The following SGMS1 variants were observed in gnomAD, a reference collection of about 807,000 sequenced individuals.
SGMS1 encodes the protein sphingomyelin synthase 1, also known as phosphatidylcholine:ceramide cholinephosphotransferase 1.
Under a neutral mutation model 46.2 loss-of-function variants are expected in SGMS1, and 13 were observed. The observed-to-expected ratio is 0.28, with a 90% confidence interval of 0.18 to 0.45. SGMS1 has a LOEUF of 0.45. Ranked by LOEUF, SGMS1 falls within the 20% of genes least tolerant of loss-of-function variation. The pLI is 1.00. For missense variants in SGMS1, 324 were observed against 519.9 expected, an observed-to-expected ratio of 0.62 and a Z score of 3.66; for synonymous variants, 203 against 187.8, an observed-to-expected ratio of 1.08 and a Z score of -0.66.
intron 3 of SGMS1, among the ~76,000 whole-genome samples, chr10:50,491,512 T>C (rs181304863): frequency 2.0e-5 from 3 of 152,304 alleles, no homozygotes; most frequent in East Asian, 3.9e-4. Flanking sequence ...TGAGTTTTAA[T>C]AGGACACTGA....
intron 6 of SGMS1, among the ~76,000 whole-genome samples, chr10:50,398,308 G>T (rs1299375685): frequency 6.6e-6 from 1 of 152,038 alleles, no homozygotes; most frequent in Non-Finnish European, 1.5e-5. Context: ...ACTATCAGAT[G>T]ACTTCAAAAT....
At chr10:50,619,539 G>A (rs1838828415) in intron 1 of SGMS1, among the ~76,000 whole-genome samples, 1 of 152,208 alleles carries the variant, frequency 6.6e-6, no homozygotes, top group Non-Finnish European at 1.5e-5. Context: ...AGAGGGGCCT[G>A]GGGGGTGCTG....
chr10:50,385,383 C>T (rs1452338361), intron 6 of SGMS1, among the ~76,000 whole-genome samples: 3 of 152,184 alleles, frequency 2.0e-5, no homozygotes, highest in African/African-American at 4.8e-5. Flanking sequence ...TTCCAGTTCT[C>T]ACTCTCCCAG....
At chr10:50,518,979 G>C (rs140164153) in intron 3 of SGMS1, among the ~76,000 whole-genome samples, 1 of 152,260 alleles carries the variant, frequency 6.6e-6, no homozygotes, top group East Asian at 1.9e-4. Flanking sequence ...TTGGAGGGAA[G>C]GGAGACAACA....
At chr10:50,410,247 GACACTCTTGTGTTGC>G (rs1424270035) in intron 6 of SGMS1, among the ~76,000 whole-genome samples, 2 of 152,138 alleles carry the variant, frequency 1.3e-5, no homozygotes, top group African/African-American at 2.4e-5. Context: ...TGATGGTCAT[GACACTCTTGTGTTGC>G]AAGTCAGATA....
intron 6 of SGMS1, among the ~76,000 whole-genome samples, chr10:50,429,733 ACACACACATACT>A (rs891159773): frequency 1.8e-3 from 21 of 11,568 alleles, no homozygotes; most frequent in African/African-American, 5.5e-3. Context: ...ACACACACAC[ACACACACATACT>A]CTTTTCTCAT....
chr10:50,547,691 ATG>A (rs1838113253), intron 2 of SGMS1, among the ~76,000 whole-genome samples: 1 of 152,208 alleles, frequency 6.6e-6, no homozygotes, highest in African/African-American at 2.4e-5. Flanking sequence ...AACTCATTCT[ATG>A]AGGTCAACAT....
rs1371039191 is a variant in SGMS1, at chr10:50,442,356, AG to A, written c.-312-8801del. Among the ~76,000 whole-genome samples the A allele has an allele frequency of 2.0e-5, 3 of 151,438 alleles. 1 individual carries two copies. Among genetic ancestry groups the A allele is most frequent in the Non-Finnish European group, 4.4e-5 (3 of 67,876 alleles). On this transcript the variant is annotated intron_variant, in intron 5 of 10. Coordinates refer to ENST00000361781, the MANE Select transcript of SGMS1 (RefSeq NM_147156.4). ...CCCTCCCCCACCGCCCCCCTCTGAC[AG>A]GTCCCAGTGTGTGTTGTTCACCTCT...
Position 50,481,386 on chromosome 10 carries a change from G to T in SGMS1, c.-497-14454C>A, listed in dbSNP as rs985133267. On this transcript the variant is annotated intron_variant, in intron 3 of 10. Transcript: ENST00000361781. ...TTCCACTAGTAACACATCCAGGTGT[G>T]GGAGGGACTGAGGCAAATATTCTGG... is the stretch of plus-strand genomic sequence containing the variant. Among the ~76,000 whole-genome samples the T allele has an allele frequency of 2.0e-5, 3 of 152,168 alleles. No individual in the cohort carries two copies. The East Asian group carries it at 5.8e-4, about 29-fold the overall frequency.
At chr10:50,546,315 C>T (rs967326898) in intron 2 of SGMS1, among the ~76,000 whole-genome samples, 1 of 152,126 alleles carries the variant, frequency 6.6e-6, no homozygotes, top group Non-Finnish European at 1.5e-5. Flanking sequence ...TAACAAAAGA[C>T]CCTGCTTAGG....
In SGMS1 at chr10:50,343,606, G is replaced by C. The variant is rs1348297878; in HGVS notation, c.509C>G (p.Pro170Arg). The C allele has an allele frequency of 2.5e-6, 4 of 1,613,972 alleles. No individual in the cohort carries two copies. The highest frequency in any genetic ancestry group is 3.4e-6 in the Non-Finnish European group (4 of 1,180,030). Residue 170 changes from proline (P) to arginine (R), a missense_variant, in exon 7 of 11, where the codon CCG becomes CGG. By Grantham distance (103) the Pro-to-Arg change is moderately radical. This residue lies in a region of SGMS1 where 174 missense variants were observed against 350.1 expected (regional missense o/e 0.50). Transcript: ENST00000361781. ...GTTAAAATGGTCAAAAAATGTGTCC[G>C]GTAGTGGAGGCTGCACCTCCTTAGG... is the stretch of plus-strand genomic sequence containing the variant. Reference protein sequence around the residue: ...VPPKEVQPPLPDTFFDHFNRV... With the variant: ...VPPKEVQPPLRDTFFDHFNRV...
intron 2 of SGMS1, among the ~76,000 whole-genome samples, chr10:50,574,988 AC>A (rs1838370967): frequency 2.6e-5 from 1 of 39,212 alleles, no homozygotes; most frequent in African/African-American, 5.9e-5. Flanking sequence ...TATATATAAA[AC>A]AAAGTATTAC....
At chr10:50,616,205 T>A (rs1838795539) in intron 1 of SGMS1, among the ~76,000 whole-genome samples, 1 of 152,128 alleles carries the variant, frequency 6.6e-6, no homozygotes, top group Admixed American at 6.5e-5. Context: ...AGGCTCAACC[T>A]CCAGGCTCGA....
chr10:50,609,884 C>T (rs1184173314), intron 1 of SGMS1, among the ~76,000 whole-genome samples: 3 of 152,132 alleles, frequency 2.0e-5, no homozygotes, highest in Non-Finnish European at 4.4e-5. Flanking sequence ...CTACTATGGA[C>T]TTCTCAAGCA....
intron 1 of SGMS1, among the ~76,000 whole-genome samples, chr10:50,621,925 T>C (rs1409034488): frequency 6.6e-6 from 1 of 152,170 alleles, no homozygotes; most frequent in African/African-American, 2.4e-5. Context: ...AAAAACATGC[T>C]ATATATTGCT....
chr10:50,423,058 A>G (rs1849276349), intron 6 of SGMS1, among the ~76,000 whole-genome samples: 1 of 152,252 alleles, frequency 6.6e-6, no homozygotes, highest in Non-Finnish European at 1.5e-5. Flanking sequence ...AGTATAAACA[A>G]GCAAATGAAT....
At chr10:50,546,737 G>C (rs1193936651) in intron 2 of SGMS1, among the ~76,000 whole-genome samples, 3 of 152,134 alleles carry the variant, frequency 2.0e-5, no homozygotes, top group Non-Finnish European at 4.4e-5. Context: ...TCGGGGGAGA[G>C]GGGAGGGATA....
At chr10:50,562,040 G>A (rs1443189487) in intron 2 of SGMS1, among the ~76,000 whole-genome samples, 1 of 152,124 alleles carries the variant, frequency 6.6e-6, no homozygotes, top group African/African-American at 2.4e-5. Context: ...AGGAGAGTAT[G>A]AAAAAATCCA....
chr10:50,392,190 TA>T (rs35016002), intron 6 of SGMS1, among the ~76,000 whole-genome samples: 10 of 147,434 alleles, frequency 6.8e-5, no homozygotes, highest in South Asian at 2.1e-4. Context: ...AAGTAAAAGT[TA>T]AAAAAAAAAA....
Sources: gnomAD v4.1 joint callset for allele counts (sites outside exome capture counted in the v4.1 genomes callset) on GRCh38, gnomAD v4.1.1 for gene constraint, gnomAD v4.1.1 regional missense constraint, MANE v1.5 for transcripts, NCBI Gene and HGNC (gene_info 2026-07-23, HGNC 2026-07-21) for gene names.